Variants in DAB1 observed in about 807,000 individuals in gnomAD.
DAB1 encodes disabled homolog 1.
In DAB1, 15 loss-of-function variants were observed where a neutral mutation model predicts 64.6. That is an observed-to-expected ratio of 0.23 (90% CI 0.16 to 0.36). DAB1 has a LOEUF of 0.36. Ranked by LOEUF, DAB1 falls within the 10% of genes least tolerant of loss-of-function variation. The probability of loss-of-function intolerance (pLI) is 1.00; values close to 1 mark genes in which losing one functional copy is unlikely to be tolerated. For missense variants in DAB1, 596 were observed against 706.7 expected (o/e 0.84, Z 1.78); for synonymous variants, 235 against 251.9 (o/e 0.93, Z 0.64).
chr1:58,071,072 G>A (rs1025519327), intron 5 of DAB1, among the ~76,000 whole-genome samples: 5 of 152,186 alleles, frequency 3.3e-5, no homozygotes, highest in African/African-American at 1.2e-4. Context: ...GTGTGATGTG[G>A]GAGTGGGGAG....
chr1:57,192,328 G>GAAA (rs10714135), intron 2 of DAB1, among the ~76,000 whole-genome samples: 6 of 142,742 alleles, frequency 4.2e-5, no homozygotes, highest in Non-Finnish European at 3.1e-5. Context: ...CTCAAAAGCG[G>GAAA]AAAAAAAAAA....
At chr1:58,207,237 A>C (rs1658326718) in intron 4 of DAB1, among the ~76,000 whole-genome samples, 1 of 152,200 alleles carries the variant, frequency 6.6e-6, no homozygotes, top group Non-Finnish European at 1.5e-5. Context: ...TAAAACACTA[A>C]GTTTTGGAGT....
At chr1:57,748,634 A>C (rs1052021891) in intron 6 of DAB1, among the ~76,000 whole-genome samples, 1 of 152,222 alleles carries the variant, frequency 6.6e-6, no homozygotes, top group Admixed American at 6.5e-5. Context: ...ATTTGATACA[A>C]GGAGACATTT....
At chr1:58,363,634 C>G (rs556953404) in intron 3 of DAB1, among the ~76,000 whole-genome samples, 4 of 152,348 alleles carry the variant, frequency 2.6e-5, no homozygotes, top group Non-Finnish European at 5.9e-5. Context: ...CTCCACAGCC[C>G]TGAGTATTTG....
rs115788429 is a variant in DAB1, at chr1:57,671,561, C to T, written n.552-21896G>A. On this transcript the variant is annotated intron_variant and non_coding_transcript_variant, in intron 6 of 20. Coordinates refer to the DAB1 transcript ENST00000485760. ...ACTTGAACTCCTTCATGTGACCTTTCACGAGGTGACTCCAGGCTGCCTTGT... is the reference window on the plus strand; with the variant it reads ...ACTTGAACTCCTTCATGTGACCTTTTACGAGGTGACTCCAGGCTGCCTTGT... Among the ~76,000 whole-genome samples, 1,389 of 152,180 alleles carry T rather than the reference C, an allele frequency of 9.1e-3. 7 individuals are homozygous for T. Among genetic ancestry groups the T allele is most frequent in the African/African-American group, 0.027 (1,142 of 41,536 alleles).
At position 57,630,876 on chromosome 1, in the gene DAB1, T is replaced by C. The variant is rs542620910; in HGVS notation, n.625+18716A>G. 1.1e-4 allele frequency among the ~76,000 whole-genome samples: 17 copies of C among 152,320 alleles called. No individual in the cohort carries two copies. In the South Asian group the frequency reaches 3.5e-3, roughly 32 times the overall value. On this transcript the variant is annotated intron_variant and non_coding_transcript_variant, in intron 7 of 20. Transcript: ENST00000485760. ...ATTCAAATTATGTGAAAAGACAAAC[T>C]GATACAAAGTCTACAAGTCTAAACA...
chr1:58,500,604 T>A (rs1049230914), intron 3 of DAB1, among the ~76,000 whole-genome samples: 1 of 152,204 alleles, frequency 6.6e-6, no homozygotes, highest in African/African-American at 2.4e-5. Flanking sequence ...AAGATTTTTT[T>A]AAGTTTCTGA....
At chr1:58,205,784 T>C (rs777913286) in intron 4 of DAB1, among the ~76,000 whole-genome samples, 31 of 152,172 alleles carry the variant, frequency 2.0e-4, no homozygotes, top group Non-Finnish European at 3.8e-4. Flanking sequence ...AAGACCAAGA[T>C]TGTGCATAGG....
At chr1:57,132,177 C>T (rs530461938) in intron 4 of DAB1, among the ~76,000 whole-genome samples, 5 of 152,150 alleles carry the variant, frequency 3.3e-5, no homozygotes, top group Non-Finnish European at 5.9e-5. Flanking sequence ...TCTGTTCACA[C>T]TTGTATCTGT....
intron 6 of DAB1, among the ~76,000 whole-genome samples, chr1:57,652,626 G>A (rs761674022): frequency 1.3e-5 from 2 of 152,022 alleles, no homozygotes; most frequent in Admixed American, 6.6e-5. Context: ...TGGAAGAAAC[G>A]TCCCCTCTTT....
At chr1:57,630,904 T>TA (rs1645981495) in intron 7 of DAB1, among the ~76,000 whole-genome samples, 2 of 152,204 alleles carry the variant, frequency 1.3e-5, no homozygotes, top group Non-Finnish European at 2.9e-5. Flanking sequence ...TCTAAACATG[T>TA]CCAGACCTTC....
At chr1:57,264,325 A>G (rs550077818) in intron 2 of DAB1, among the ~76,000 whole-genome samples, 162 of 152,344 alleles carry the variant, frequency 1.1e-3, no homozygotes, top group Middle Eastern at 6.8e-3. Flanking sequence ...CTTACAGTCT[A>G]TCACGGAAAA....
intron 7 of DAB1, among the ~76,000 whole-genome samples, chr1:57,584,381 A>G (rs578120130): frequency 6.6e-6 from 1 of 152,182 alleles, no homozygotes; most frequent in Non-Finnish European, 1.5e-5. Context: ...TCTTTTATCA[A>G]ATCACAGGGC....
At chr1:57,115,104 A>G (rs998268462) in intron 4 of DAB1, among the ~76,000 whole-genome samples, 2 of 152,158 alleles carry the variant, frequency 1.3e-5, no homozygotes, top group Non-Finnish European at 2.9e-5. Flanking sequence ...TCACCGGCTC[A>G]CAGAAGACGC....
intron 4 of DAB1, among the ~76,000 whole-genome samples, chr1:57,112,759 C>T (rs1010650508): frequency 3.3e-5 from 5 of 151,992 alleles, no homozygotes; most frequent in African/African-American, 4.8e-5. Flanking sequence ...TGTTCATTCA[C>T]TCATTTGTTC....
intron 4 of DAB1, among the ~76,000 whole-genome samples, chr1:58,153,900 C>T (rs149073022): frequency 3.8e-4 from 57 of 149,358 alleles, no homozygotes; most frequent in African/African-American, 1.3e-3. Context: ...GGTAATAACA[C>T]TCTCTTACAC....
chr1:57,751,368 G>A (rs917071696), intron 6 of DAB1, among the ~76,000 whole-genome samples: 2 of 152,144 alleles, frequency 1.3e-5, no homozygotes, highest in Non-Finnish European at 2.9e-5. Flanking sequence ...AAGGGAGCAA[G>A]CAGGTCCTGA....
At chr1:57,416,120 A>T (rs113185520) in intron 1 of DAB1, among the ~76,000 whole-genome samples, 2,217 of 152,244 alleles carry the variant, frequency 0.015, 63 homozygotes, top group African/African-American at 0.05. Flanking sequence ...TCTACCATGC[A>T]TTCTTCACCA....
intron 7 of DAB1, among the ~76,000 whole-genome samples, chr1:57,518,015 G>A (rs1441892019): frequency 6.6e-6 from 1 of 152,278 alleles, no homozygotes; most frequent in East Asian, 1.9e-4. Flanking sequence ...TCTTAAGGGT[G>A]TTTTCACAGT....
Sources: allele counts gnomAD v4.1 joint callset (sites outside exome capture counted in the v4.1 genomes callset), GRCh38; gene constraint gnomAD v4.1.1; transcripts MANE v1.5; gene names NCBI Gene and HGNC (gene_info 2026-07-23, HGNC 2026-07-21).